MTAP: variants seen among roughly 807,000 people sequenced by gnomAD.
MTAP encodes the protein S-methyl-5'-thioadenosine phosphorylase.
Under a neutral mutation model 33.6 loss-of-function variants are expected in MTAP, and 33 were observed. The ratio of observed to expected loss-of-function variants is 0.98; its 90% CI spans 0.74 to 1.31. The LOEUF (loss-of-function observed/expected upper bound fraction) is 1.31, where lower values mean the gene tolerates loss of function less well. MTAP is among the 40% of genes most tolerant of loss of function. MTAP has a pLI of 0.00. For synonymous variants in MTAP, 148 were observed against 125.7 expected (o/e 1.18, Z -1.19); for missense variants, 367 against 360.0 (o/e 1.02, Z -0.16).
rs115667004 is a variant in MTAP, at chr9:21,877,915, T to C, written c.147+23045T>C. Among the ~76,000 whole-genome samples the C allele has an allele frequency of 8.9e-3, 1,357 of 152,228 alleles. 12 individuals are homozygous for C. Among genetic ancestry groups the C allele is most frequent in the African/African-American group, 0.031 (1,295 of 41,540 alleles). Reference sequence around the variant, plus strand: ...AGTCCCTCCTCCTCAGTTTTTGGAATAGTTTTAGTAGGACTGGTACCAGCT... The same window carrying C: ...AGTCCCTCCTCCTCAGTTTTTGGAACAGTTTTAGTAGGACTGGTACCAGCT... On this transcript the variant is annotated intron_variant, in intron 1 of 1. Coordinates refer to the MTAP transcript ENST00000577563.
At chr9:21,879,534 G>C (rs1817966824) in intron 1 of MTAP, among the ~76,000 whole-genome samples, 1 of 152,012 alleles carries the variant, frequency 6.6e-6, no homozygotes, top group Non-Finnish European at 1.5e-5. Flanking sequence ...TTTAAGTGGG[G>C]CATTTAGCTT....
At chr9:21,821,888 T>C (rs1824650864) in intron 4 of MTAP, among the ~76,000 whole-genome samples, 1 of 152,252 alleles carries the variant, frequency 6.6e-6, no homozygotes, top group South Asian at 2.1e-4. Context: ...ATTTATCCAT[T>C]TCTTCTAGAT....
Position 21,864,774 on chromosome 9 carries a change from CCTGCCCTGAGCCAG to C in MTAP, c.*2769_*2782del. On this transcript the variant is annotated 3_prime_UTR_variant, in exon 8 of 8. Transcript: ENST00000644715. ...AGGGAGTGACTAAGGTGACCTCCAA[CCTGCCCTGAGCCAG>C]CTGCCCTGCAGGTGCCACGTGAGCC... The C allele has an allele frequency of 1.0e-6, 1 of 985,440 alleles. No individual in the cohort carries two copies. The highest frequency in any genetic ancestry group is 1.2e-6 in the Non-Finnish European group (1 of 829,958). 61.0% of individuals were successfully genotyped at this position (985,440 alleles called of 1,614,324 possible).
chr9:21,816,961 T>C (rs1427050674), intron 3 of MTAP, among the ~76,000 whole-genome samples, 189 bp downstream of exon 3: 1 of 152,238 alleles, frequency 6.6e-6, no homozygotes, highest in Non-Finnish European at 1.5e-5. Context: ...AAAGATCTCA[T>C]GCTCTTGCCC....
chr9:21,844,135 T>C (rs1305384705), intron 5 of MTAP, among the ~76,000 whole-genome samples: 2 of 152,136 alleles, frequency 1.3e-5, no homozygotes, highest in African/African-American at 2.4e-5. Context: ...CTAGAGGAGA[T>C]GAGTAAATTC....
intron 1 of MTAP, among the ~76,000 whole-genome samples, chr9:21,903,126 C>G (rs1472984311): frequency 6.6e-6 from 1 of 152,136 alleles, no homozygotes; most frequent in African/African-American, 2.4e-5. Flanking sequence ...CGGCTGCTTT[C>G]TGTAGCATTG....
chr9:21,925,488 A>C (rs1439848456), intron 1 of MTAP, among the ~76,000 whole-genome samples: 2 of 152,256 alleles, frequency 1.3e-5, no homozygotes, highest in Non-Finnish European at 2.9e-5. Flanking sequence ...AAGGAAAAGC[A>C]GCAGCTCCAA....
chr9:21,814,943 T>G (rs1346462139), intron 1 of MTAP, among the ~76,000 whole-genome samples: 1 of 152,170 alleles, frequency 6.6e-6, no homozygotes, highest in Non-Finnish European at 1.5e-5. Context: ...AATCTCTCAT[T>G]TCTTTATCAA....
At chr9:21,813,481 G>T (rs556873800) in intron 1 of MTAP, among the ~76,000 whole-genome samples, 1 of 152,272 alleles carries the variant, frequency 6.6e-6, no homozygotes, top group South Asian at 2.1e-4. Context: ...TGAGCTCAGG[G>T]GCTCTGAAAT....
chr9:21,932,703 C>A (rs1485014847), downstream of MTAP: 1 of 152,156 alleles, frequency 6.6e-6, no homozygotes, highest in Non-Finnish European at 1.5e-5. Flanking sequence ...AAAACCCTAG[C>A]TTTCAAATTT....
intron 6 of MTAP, among the ~76,000 whole-genome samples, chr9:21,855,920 TA>T (rs1563848578): frequency 6.6e-6 from 1 of 152,206 alleles, no homozygotes. Flanking sequence ...TGTACAAAAA[TA>T]ATGATATTAA....
At chr9:21,872,507 C>CA (rs1461749641) in intron 1 of MTAP, among the ~76,000 whole-genome samples, 4 of 152,154 alleles carry the variant, frequency 2.6e-5, no homozygotes, top group African/African-American at 9.7e-5. Context: ...GGTTGATACT[C>CA]ATGTCCATCT....
At chr9:21,821,627 A>C (rs567227879) in intron 4 of MTAP, among the ~76,000 whole-genome samples, 62 of 152,288 alleles carry the variant, frequency 4.1e-4, no homozygotes, top group African/African-American at 1.4e-3. Flanking sequence ...TATCAGGATG[A>C]TGCTGGCCTC....
At chr9:21,867,140 T>A (rs1455907317), downstream of MTAP, 1 of 152,166 alleles carries the variant, frequency 6.6e-6, no homozygotes, top group Non-Finnish European at 1.5e-5. Context: ...TACACAATCA[T>A]GTCATATATG....
chr9:21,915,084 C>CTTTCTTTCTTTCTTTCTTTCCTTT (rs369342496), intron 1 of MTAP, among the ~76,000 whole-genome samples: 1 of 72,416 alleles, frequency 1.4e-5, no homozygotes, highest in African/African-American at 1.1e-4. Flanking sequence ...TTCTTTCTTT[C>CTTTCTTTCTTTCTTTCTTTCCTTT]CTTTCTTTCT....
At position 21,805,938 on chromosome 9, in the gene MTAP, G is replaced by A. The variant is rs189583824; in HGVS notation, c.33+3157G>A. ...TGAGGAGAGAGATGGGGGTAGGAGA[G>A]CGAAAACCAAGATGTCGCAGAAGTG... On this transcript the variant is annotated intron_variant, in intron 1 of 7. Transcript: ENST00000644715. Among the ~76,000 whole-genome samples the A allele has an allele frequency of 1.1e-3, 168 of 152,306 alleles. 2 individuals carry two copies. Among genetic ancestry groups the A allele is most frequent in the African/African-American group, 3.9e-3 (161 of 41,568 alleles).
intron 1 of MTAP, among the ~76,000 whole-genome samples, chr9:21,885,003 G>A (rs1207361874): frequency 6.6e-6 from 1 of 152,114 alleles, no homozygotes; most frequent in Non-Finnish European, 1.5e-5. Flanking sequence ...GATAGAGAAA[G>A]AATATATGGT....
intron 1 of MTAP, chr9:21,892,302 C>T (rs1011952713): frequency 7.2e-5 from 11 of 152,082 alleles, no homozygotes; most frequent in African/African-American, 2.7e-4. Context: ...GGGTTAAATG[C>T]CCCACTTAAA....
intron 1 of MTAP, chr9:21,893,314 A>C (rs1818230406): frequency 6.6e-6 from 1 of 152,198 alleles, no homozygotes; most frequent in African/African-American, 2.4e-5. Context: ...ATCTCAAATA[A>C]ACAATCTAAC....
Sources: gnomAD v4.1 joint callset for allele counts (sites outside exome capture counted in the v4.1 genomes callset) on GRCh38, gnomAD v4.1.1 for gene constraint, MANE v1.5 for transcripts, NCBI Gene and HGNC (gene_info 2026-07-23, HGNC 2026-07-21) for gene names.